Variants in AFF1 observed in about 807,000 individuals in gnomAD.
AFF1 encodes the protein AF4/FMR2 family member 1.
Under a neutral mutation model 121.7 loss-of-function variants are expected in AFF1, and 48 were observed. That is an observed-to-expected ratio of 0.39 (90% CI 0.31 to 0.50). The LOEUF (loss-of-function observed/expected upper bound fraction) is 0.50, where lower values mean the gene tolerates loss of function less well. Ranked by LOEUF, AFF1 falls within the 20% of genes least tolerant of loss-of-function variation. The probability of loss-of-function intolerance (pLI) is 0.76; values close to 1 mark genes in which losing one functional copy is unlikely to be tolerated. For synonymous variants in AFF1, 613 were observed against 563.0 expected (o/e 1.09, Z -1.26); for missense variants, 1,523 against 1,511.7 (o/e 1.01, Z -0.12).
intron 2 of AFF1, among the ~76,000 whole-genome samples, chr4:87,024,112 C>G (rs1728292288): frequency 6.6e-6 from 1 of 152,194 alleles, no homozygotes; most frequent in Non-Finnish European, 1.5e-5. Flanking sequence ...GAGCTTATCA[C>G]TGCCATTATA....
intron 2 of AFF1, among the ~76,000 whole-genome samples, chr4:86,951,032 T>G (rs896038352): frequency 6.6e-6 from 1 of 152,178 alleles, no homozygotes; most frequent in Admixed American, 6.5e-5. Flanking sequence ...GGTCAACATA[T>G]GGGTTTTGGT....
intron 2 of AFF1, among the ~76,000 whole-genome samples, chr4:87,008,049 A>G (rs1316628201): frequency 1.4e-5 from 2 of 147,986 alleles, no homozygotes; most frequent in African/African-American, 2.4e-5. Flanking sequence ...CCGTCTTTCC[A>G]TGGTTTGTTA....
chr4:87,047,115 G>T lies in AFF1; in HGVS notation c.580G>T (p.Ala194Ser). The T allele has an allele frequency of 6.2e-7, 1 of 1,614,182 alleles. No homozygotes were observed. The highest frequency in any genetic ancestry group is 8.5e-7 in the Non-Finnish European group (1 of 1,180,036). ...GDRRADGDHC[A>S]SVTDSAPERE... ...CCGAAGAGCTGACGGAGACCACTGT[G>T]CTTCGGTGACAGATTCGGCTCCAGA... is the stretch of plus-strand genomic sequence containing the variant. Residue 194 changes from alanine to serine, a missense_variant, in exon 4 of 21, where the codon GCT becomes TCT. Physicochemically the swap from Ala to Ser is moderately conservative, Grantham distance 99. Around this residue, in one of 5 missense-constraint regions of AFF1, gnomAD observed 369 missense variants for 367.2 expected, o/e 1.00. Transcript: ENST00000395146.
chr4:87,052,239 GTTT>G, intron 4 of AFF1, among the ~76,000 whole-genome samples: 1 of 152,226 alleles, frequency 6.6e-6, no homozygotes, highest in Non-Finnish European at 1.5e-5. Context: ...ATAGTGAGAT[GTTT>G]TATCAAAAAA....
chr4:87,115,289 A>G lies in AFF1; in HGVS notation c.2456A>G (p.Lys819Arg), dbSNP rs745395949. The change falls in exon 12 of 21, where the codon AAA becomes AGA. Residue 819 changes from lysine (K) to arginine (R), a missense_variant. By Grantham distance (26) the Lys-to-Arg change is conservative. Coordinates refer to ENST00000395146, the MANE Select transcript of AFF1 (RefSeq NM_001166693.3). ...RSSDSSSKLA[K>R]KRKGEAERDC... is the part of the protein sequence containing the mutation. ...TCAGACAGCTCAAGCAAGTTGGCCA[A>G]AAAGAGAAAGGTGAGTGTGGGGAGA... 4.4e-6 allele frequency: 7 copies of G among 1,599,592 alleles called. No individual in the cohort carries two copies. The highest frequency in any genetic ancestry group is 2.3e-5 in the East Asian group (1 of 44,152).
At position 87,012,217 on chromosome 4, in the gene AFF1, C is replaced by CTTTTTTTTTTTTTTTTTTT. The variant is rs68156863; in HGVS notation, c.39-33947_39-33946insTTTTTTTTTTTTTTTTTTT. Among the ~76,000 whole-genome samples, 3 of 115,100 alleles carry CTTTTTTTTTTTTTTTTTTT rather than the reference C, an allele frequency of 2.6e-5. 1 individual carries two copies. Among genetic ancestry groups the CTTTTTTTTTTTTTTTTTTT allele is most frequent in the Non-Finnish European group, 5.5e-5 (3 of 54,242 alleles). The allele number at this position is 115,100 out of a possible 152,430, so 75.5% of individuals were successfully genotyped here. ...GTTAGCAAACTTCTCCATTTCATTT[C>CTTTTTTTTTTTTTTTTTTT]TTGTTTTTTTTTTTTTTTGTATAAC... On this transcript the variant is annotated intron_variant, in intron 2 of 20. Coordinates refer to ENST00000395146, the MANE Select transcript of AFF1 (RefSeq NM_001166693.3).
At chr4:87,011,222 A>C (rs1364334753) in intron 2 of AFF1, among the ~76,000 whole-genome samples, 1 of 152,130 alleles carries the variant, frequency 6.6e-6, no homozygotes, top group East Asian at 1.9e-4. Context: ...CTGGTGGCTG[A>C]GCACGGAGCT....
At chr4:86,948,251 T>C (rs879374796) in intron 1 of AFF1, among the ~76,000 whole-genome samples, 1 of 152,184 alleles carries the variant, frequency 6.6e-6, no homozygotes, top group Non-Finnish European at 1.5e-5. Flanking sequence ...CTCCTCCTTA[T>C]GGTAAACTTG....
chr4:86,994,994 A>G (rs1725002429), intron 2 of AFF1, among the ~76,000 whole-genome samples: 1 of 152,112 alleles, frequency 6.6e-6, no homozygotes, highest in Non-Finnish European at 1.5e-5. Context: ...TAATCTCAGC[A>G]CTTCGGGAGG....
chr4:87,018,187 T>C (rs1474871517), intron 2 of AFF1, among the ~76,000 whole-genome samples: 1 of 152,246 alleles, frequency 6.6e-6, no homozygotes, highest in Non-Finnish European at 1.5e-5. Flanking sequence ...ACTTCATTGT[T>C]CACTAAGAGC....
At chr4:86,945,451 A>T (rs1475367917) in intron 1 of AFF1, among the ~76,000 whole-genome samples, 2 of 140,980 alleles carry the variant, frequency 1.4e-5, no homozygotes, top group African/African-American at 2.7e-5. Flanking sequence ...TAGCCTTTTG[A>T]GTAGCTGGGA....
In AFF1 at chr4:87,134,476, C is replaced by T; in HGVS notation, c.3317C>T (p.Thr1106Ile). ...QAPSPCIARS[T>I]GTPSPLSPMP... ...TCTTCTCTTCCACCTCCCAGAAGCA[C>T]AGGCACACCATCCCCTCTTTCCCCA... Residue 1106 changes from threonine to isoleucine, a missense_variant, in exon 20 of 21, where the codon ACA becomes ATA. Physicochemically the swap from Thr to Ile is moderately conservative, Grantham distance 89. Around this residue, in one of 5 missense-constraint regions of AFF1, gnomAD observed 241 missense variants for 265.2 expected, o/e 0.91. Transcript: ENST00000395146. 1 of 1,596,748 alleles carries T rather than the reference C, an allele frequency of 6.3e-7. No individual in the cohort carries two copies. Among genetic ancestry groups the T allele is most frequent in the East Asian group, 2.2e-5 (1 of 44,778 alleles).
At chr4:87,086,652 G>C (rs148192675) in intron 5 of AFF1, among the ~76,000 whole-genome samples, 4 of 152,218 alleles carry the variant, frequency 2.6e-5, no homozygotes, top group Non-Finnish European at 5.9e-5. Context: ...CTGGGCTTTG[G>C]TTTCCTCATT....
intron 8 of AFF1, among the ~76,000 whole-genome samples, chr4:87,101,766 C>T (rs994952844): frequency 3.9e-5 from 6 of 152,164 alleles, no homozygotes; most frequent in African/African-American, 1.4e-4. Context: ...TTATTTTTAG[C>T]ACACCTGATA....
chr4:87,105,977 A>C (rs1166330210), intron 10 of AFF1, 132 bp downstream of exon 10: 1 of 1,153,728 alleles, frequency 8.7e-7, no homozygotes, highest in African/African-American at 1.5e-5. Context: ...GTAAAAGGAA[A>C]GTACCTGTTT....
intron 2 of AFF1, among the ~76,000 whole-genome samples, chr4:86,964,312 A>G (rs543595073): frequency 1.3e-5 from 2 of 149,312 alleles, no homozygotes; most frequent in Admixed American, 6.7e-5. Context: ...TTTAGTAGAG[A>G]TGGGGTGTTG....
chr4:87,090,114 A>C, intron 6 of AFF1, 44 bp downstream of exon 6: 1 of 1,499,290 alleles, frequency 6.7e-7, no homozygotes. Flanking sequence ...CACCTTAGTG[A>C]AAAGCGTAAG....
At chr4:86,986,832 T>G (rs1417265486) in intron 2 of AFF1, among the ~76,000 whole-genome samples, 1 of 152,060 alleles carries the variant, frequency 6.6e-6, no homozygotes, top group African/African-American at 2.4e-5. Flanking sequence ...TTAGATAACA[T>G]AATAGTATTG....
intron 8 of AFF1, among the ~76,000 whole-genome samples, chr4:87,101,141 G>A (rs1725389774): frequency 6.6e-6 from 1 of 151,826 alleles, no homozygotes; most frequent in African/African-American, 2.4e-5. Context: ...CACAACTGCT[G>A]GAGATCTACC....
Sources: gnomAD v4.1 joint callset for allele counts (sites outside exome capture counted in the v4.1 genomes callset) on GRCh38, gnomAD v4.1.1 for gene constraint, gnomAD v4.1.1 regional missense constraint, MANE v1.5 for transcripts, NCBI Gene and HGNC (gene_info 2026-07-23, HGNC 2026-07-21) for gene names.